TEX9: variants seen among roughly 807,000 people sequenced by gnomAD.
The protein encoded by TEX9 is testis-expressed protein 9.
A neutral mutation model predicts 59.6 loss-of-function variants in TEX9; 74 were observed. The observed-to-expected ratio is 1.24, with a 90% confidence interval of 1.03 to 1.51. The LOEUF (loss-of-function observed/expected upper bound fraction) is 1.51. Among genes scored for constraint, TEX9 ranks in the 40% most tolerant of loss-of-function variants. TEX9 has a pLI of 0.00. For synonymous variants in TEX9, 186 were observed against 152.2 expected, an observed-to-expected ratio of 1.22 and a Z score of -1.64; for missense variants, 522 against 447.8, an observed-to-expected ratio of 1.17 and a Z score of -1.49.
chr15:56,298,055 T>A (rs887099805), intron 1 of TEX9, among the ~76,000 whole-genome samples: 6 of 152,380 alleles, frequency 3.9e-5, no homozygotes, highest in Non-Finnish European at 5.9e-5. Flanking sequence ...TTGGCTCAGT[T>A]ATTTTAATAC....
intron 4 of TEX9, among the ~76,000 whole-genome samples, chr15:56,388,101 G>A (rs1386237120): frequency 6.6e-6 from 1 of 151,908 alleles, no homozygotes; most frequent in Non-Finnish European, 1.5e-5. Context: ...TGTTTTAAGT[G>A]GATTAAAAGA....
chr15:56,253,802 A>G (rs1463753257), intron 1 of TEX9, among the ~76,000 whole-genome samples: 10 of 152,022 alleles, frequency 6.6e-5, no homozygotes, highest in Non-Finnish European at 1.5e-4. Flanking sequence ...AGCTCTTCAC[A>G]ATCAGTGTCT....
chr15:56,294,819 G>A (rs1391489123), intron 1 of TEX9, among the ~76,000 whole-genome samples: 1 of 152,124 alleles, frequency 6.6e-6, no homozygotes, highest in Non-Finnish European at 1.5e-5. Context: ...GTTTCACTTA[G>A]GGTTAGCTTA....
downstream of TEX9, among the ~76,000 whole-genome samples, chr15:56,449,593 C>G (rs1269530786): frequency 6.6e-6 from 1 of 152,126 alleles, no homozygotes; most frequent in East Asian, 1.9e-4. Flanking sequence ...CTGATTAAAA[C>G]AAATTGGGAA....
intron 6 of TEX9, among the ~76,000 whole-genome samples, chr15:56,390,850 A>G (rs1365868540): frequency 6.6e-6 from 1 of 152,060 alleles, no homozygotes; most frequent in Non-Finnish European, 1.5e-5. Flanking sequence ...TAAATTTAAA[A>G]GTCATAGGCT....
At chr15:56,292,279 C>T (rs2045112387) in intron 1 of TEX9, among the ~76,000 whole-genome samples, 1 of 152,176 alleles carries the variant, frequency 6.6e-6, no homozygotes, top group Non-Finnish European at 1.5e-5. Flanking sequence ...AAAGCTATAG[C>T]TGCTTCCTGG....
intron 9 of TEX9, among the ~76,000 whole-genome samples, chr15:56,401,753 T>C (rs1002140200): frequency 2.6e-5 from 4 of 152,128 alleles, no homozygotes; most frequent in African/African-American, 9.7e-5. Flanking sequence ...TCAGCAAATG[T>C]AAAAGAACAG....
intron 1 of TEX9, among the ~76,000 whole-genome samples, chr15:56,358,837 G>A (rs1026481376): frequency 3.4e-4 from 52 of 152,080 alleles, no homozygotes; most frequent in African/African-American, 1.2e-3. Context: ...GATGTCTCAT[G>A]AGATCTGATG....
intron 1 of TEX9, among the ~76,000 whole-genome samples, chr15:56,342,544 TC>T (rs2046391618): frequency 6.6e-6 from 1 of 152,100 alleles, no homozygotes; most frequent in African/African-American, 2.4e-5. Flanking sequence ...AAAGATAAGC[TC>T]TTATGTGCAG....
intron 1 of TEX9, among the ~76,000 whole-genome samples, chr15:56,261,308 A>AT (rs1397796105): frequency 6.6e-6 from 1 of 151,368 alleles, no homozygotes; most frequent in African/African-American, 2.4e-5. Context: ...TTAATTTTTG[A>AT]TTTTTTTTCT....
At chr15:56,453,259 A>G in the TEX9 span, among the ~76,000 whole-genome samples, 2 of 152,182 alleles carry the variant, frequency 1.3e-5, no homozygotes, top group East Asian at 3.8e-4. Flanking sequence ...AATTTACTAT[A>G]CATGTACCTC....
At chr15:56,429,046 C>T (rs919720838) in intron 12 of TEX9, 3 of 1,140,498 alleles carry the variant, frequency 2.6e-6, no homozygotes, top group African/African-American at 1.6e-5. Flanking sequence ...AAAAGTTATG[C>T]TGACATCTAG....
At position 56,281,550 on chromosome 15, in the gene TEX9, C is replaced by T. The variant is rs189125270; in HGVS notation, c.-107+37272C>T. ...TTCATCCTAAAACCATCCCTCACCCCCCGCCCCACTCTTAAGTCCGTGGAA... is the reference window on the plus strand; with the variant it reads ...TTCATCCTAAAACCATCCCTCACCCTCCGCCCCACTCTTAAGTCCGTGGAA... On this transcript the variant is annotated intron_variant, in intron 1 of 5. Transcript: ENST00000560827. Among the ~76,000 whole-genome samples, 151 of 152,332 alleles carry T rather than the reference C, an allele frequency of 9.9e-4. 1 individual carries two copies. Among genetic ancestry groups the T allele is most frequent in the Non-Finnish European group, 7.2e-4 (49 of 68,032 alleles).
At chr15:56,372,957 C>T (rs1053072334) in intron 2 of TEX9, among the ~76,000 whole-genome samples, 3 of 152,068 alleles carry the variant, frequency 2.0e-5, no homozygotes, top group East Asian at 3.9e-4. Flanking sequence ...GTGTGAGCCA[C>T]GTTGGGTCTG....
intron 1 of TEX9, among the ~76,000 whole-genome samples, chr15:56,287,534 G>A (rs2044982575): frequency 6.6e-6 from 1 of 151,956 alleles, no homozygotes; most frequent in Non-Finnish European, 1.5e-5. Context: ...ATTTTTTATG[G>A]TGAGAACACT....
intron 12 of TEX9, chr15:56,434,036 T>C (rs1024183915): frequency 7.8e-7 from 1 of 1,277,368 alleles, no homozygotes; most frequent in Non-Finnish European, 1.1e-6. Flanking sequence ...CATACTAACA[T>C]TGTCTGGCAT....
rs189044121 is a variant in TEX9, at chr15:56,317,283, G to C, written c.-106-56158G>C. Among the ~76,000 whole-genome samples the C allele has an allele frequency of 4.0e-4, 61 of 152,252 alleles. No homozygotes were observed. The East Asian group carries it at 0.01, about 25-fold the overall frequency. On this transcript the variant is annotated intron_variant, in intron 1 of 5. Coordinates refer to the TEX9 transcript ENST00000560827. ...CAAATTGACCAGTTTGTCTTTCTAG[G>C]AATATACTCATTTCATCTAGGCTAC...
the TEX9 span, among the ~76,000 whole-genome samples, chr15:56,451,581 C>A: frequency 6.6e-6 from 1 of 152,112 alleles, no homozygotes; most frequent in Non-Finnish European, 1.5e-5. Context: ...AATCCTGCAA[C>A]TTTTAGTATG....
chr15:56,347,538 A>G (rs1012217416), intron 1 of TEX9, among the ~76,000 whole-genome samples: 7 of 152,076 alleles, frequency 4.6e-5, no homozygotes, highest in Non-Finnish European at 7.4e-5. Context: ...GCAAAAAAAA[A>G]GGAAGAAAAT....
Sources: gnomAD v4.1 joint callset for allele counts (sites outside exome capture counted in the v4.1 genomes callset) on GRCh38, gnomAD v4.1.1 for gene constraint, MANE v1.5 for transcripts, NCBI Gene and HGNC (gene_info 2026-07-23, HGNC 2026-07-21) for gene names.